Variants in COPB1 observed in about 807,000 individuals in gnomAD.
COPB1 encodes coatomer subunit beta.
COPB1 carries 21 observed loss-of-function variants against 108.7 expected under a neutral mutation model. That is an observed-to-expected ratio of 0.19 (90% CI 0.14 to 0.28). COPB1 has a LOEUF of 0.28. Ranked by LOEUF, COPB1 falls within the 10% of genes least tolerant of loss-of-function variation. The pLI is 1.00. For missense variants in COPB1, 919 were observed against 1,141.3 expected (o/e 0.81, Z 2.81); for synonymous variants, 378 against 386.8 (o/e 0.98, Z 0.27).
At chr11:14,498,780 T>C in intron 2 of COPB1, 58 bp downstream of exon 2, 1 of 1,376,930 alleles carries the variant, frequency 7.3e-7, no homozygotes, top group Non-Finnish European at 9.9e-7. Context: ...GAAATATGAG[T>C]TTTTTATTTT....
intron 8 of COPB1, 128 bp from the exon 9 acceptor site, chr11:14,481,225 T>C (rs2134114961): frequency 1.0e-5 from 7 of 675,378 alleles, no homozygotes; most frequent in East Asian, 2.7e-5. Flanking sequence ...AAACCACTAG[T>C]GGTGGAAGAA....
chr11:14,496,218 T>C (rs1435377673), intron 2 of COPB1, among the ~76,000 whole-genome samples: 1 of 152,194 alleles, frequency 6.6e-6, no homozygotes, highest in Non-Finnish European at 1.5e-5. Flanking sequence ...TTTTTAGCAG[T>C]TCAATTAAAC....
chr11:14,499,608 C>G (rs1232135564), intron 1 of COPB1, 99 bp downstream of exon 1: 5 of 150,956 alleles, frequency 3.3e-5, no homozygotes, highest in East Asian at 2.0e-4. Context: ...CGTACCCCCA[C>G]CCGGTCCCTT....
At chr11:14,487,232 T>G (rs1445556392) in intron 6 of COPB1, among the ~76,000 whole-genome samples, 1 of 152,212 alleles carries the variant, frequency 6.6e-6, no homozygotes, top group Non-Finnish European at 1.5e-5. Flanking sequence ...TAGATTTTCC[T>G]AAAATATATA....
chr11:14,494,969 A>C (rs990211313), intron 2 of COPB1, among the ~76,000 whole-genome samples: 3 of 152,242 alleles, frequency 2.0e-5, no homozygotes, highest in Non-Finnish European at 4.4e-5. Context: ...ATCTCATCAT[A>C]GTTCTGCAGG....
intron 1 of COPB1, 84 bp from the exon 2 acceptor site, chr11:14,499,069 T>A (rs1851091984): frequency 1.5e-6 from 1 of 651,146 alleles, no homozygotes; most frequent in African/African-American, 1.9e-5. Flanking sequence ...TTTTAAAGTA[T>A]TAGAAAGGGC....
rs550237560 is a variant in COPB1, at chr11:14,474,682, G to C, written c.1617-67C>G. 20 of 1,592,506 alleles carry C rather than the reference G, an allele frequency of 1.3e-5. No individual in the cohort carries two copies. The African/African-American group carries it at 2.4e-4, about 19-fold the overall frequency. ...AGCAGCATGCAGCTTCTGTATAAATGAATGATATAGGCCTATTAAACACTC... is the reference window on the plus strand; with the variant it reads ...AGCAGCATGCAGCTTCTGTATAAATCAATGATATAGGCCTATTAAACACTC... On this transcript the variant is annotated intron_variant, in intron 13 of 21. Coordinates refer to ENST00000439561, the MANE Select transcript of COPB1 (RefSeq NM_001144061.2).
chr11:14,493,421 GTTACTGTTATA>G (rs1850952745), intron 4 of COPB1, among the ~76,000 whole-genome samples: 1 of 152,190 alleles, frequency 6.6e-6, no homozygotes, highest in African/African-American at 2.4e-5. Context: ...TTTAAAGGGG[GTTACTGTTATA>G]CAAGTTCAGC....
chr11:14,493,901 A>G (rs1465364521), intron 3 of COPB1, 90 bp from the exon 4 acceptor site: 1 of 1,176,560 alleles, frequency 8.5e-7, no homozygotes, highest in Non-Finnish European at 1.2e-6. Flanking sequence ...GAAAAAAAAT[A>G]CGTTTGAGAA....
chr11:14,483,228 C>A (rs1467984013), intron 7 of COPB1, 77 bp from the exon 8 acceptor site: 1 of 502,832 alleles, frequency 2.0e-6, no homozygotes. Flanking sequence ...CGCGCGCACA[C>A]CACACACACA....
intron 18 of COPB1, among the ~76,000 whole-genome samples, chr11:14,462,475 AC>A (rs1176987773): frequency 6.6e-6 from 1 of 151,314 alleles, no homozygotes; most frequent in Non-Finnish European, 1.5e-5. Context: ...CTCATGATCC[AC>A]CCGCCTTGGC....
chr11:14,482,783 G>A (rs899774548), intron 8 of COPB1, among the ~76,000 whole-genome samples: 3 of 152,140 alleles, frequency 2.0e-5, no homozygotes, highest in Admixed American at 6.5e-5. Flanking sequence ...TGATGTGCCC[G>A]CCTCTGCCTC....
chr11:14,487,504 G>A (rs1309641381), intron 6 of COPB1, among the ~76,000 whole-genome samples: 9 of 151,852 alleles, frequency 5.9e-5, no homozygotes, highest in South Asian at 2.1e-4. Flanking sequence ...GTGAAACCCC[G>A]TCTCTACTAA....
At chr11:14,490,048 C>G (rs1589967267) in intron 5 of COPB1, among the ~76,000 whole-genome samples, 1 of 152,052 alleles carries the variant, frequency 6.6e-6, no homozygotes, top group Non-Finnish European at 1.5e-5. Flanking sequence ...TAGAAAATTT[C>G]AAGATTAGAT....
In COPB1 at chr11:14,483,006, A is replaced by T. The variant is rs778715598; in HGVS notation, c.957+26T>A. 20 of 1,512,810 alleles carry T rather than the reference A, an allele frequency of 1.3e-5. No homozygotes were observed. In the Admixed American group the frequency reaches 3.9e-4, roughly 29 times the overall value. The allele number at this position is 1,512,810 out of a possible 1,614,324, so 93.7% of individuals were successfully genotyped here. A position where few individuals can be genotyped will look rare whatever the true frequency, so the allele number is the denominator to read the frequency against. Reference sequence around the variant, plus strand: ...AAATTTGAAAAACATTTTATTTAGGATCTCTCTTTTTCAGATAACACTTAC... The same window carrying T: ...AAATTTGAAAAACATTTTATTTAGGTTCTCTCTTTTTCAGATAACACTTAC... On this transcript the variant is annotated intron_variant, in intron 8 of 21. Coordinates refer to ENST00000439561, the MANE Select transcript of COPB1 (RefSeq NM_001144061.2).
chr11:14,465,619 A>G (rs141885530), intron 17 of COPB1, among the ~76,000 whole-genome samples: 7 of 152,370 alleles, frequency 4.6e-5, no homozygotes, highest in African/African-American at 1.4e-4. Context: ...AACAATCTGC[A>G]TAAAGACTTG....
intron 12 of COPB1, among the ~76,000 whole-genome samples, chr11:14,476,318 T>G (rs2575836): frequency 0.66 from 100,891 of 152,014 alleles, 33,687 homozygotes; most frequent in African/African-American, 0.7. Context: ...TCCTTGAAAT[T>G]TTAACCAAAA....
At chr11:14,482,316 A>G (rs571485849) in intron 8 of COPB1, among the ~76,000 whole-genome samples, 1 of 152,128 alleles carries the variant, frequency 6.6e-6, no homozygotes, top group South Asian at 2.1e-4. Flanking sequence ...TTTACCTGCC[A>G]TGGGGTTTTA....
intron 8 of COPB1, among the ~76,000 whole-genome samples, chr11:14,481,811 T>C (rs759168594): frequency 6.6e-6 from 1 of 152,134 alleles, no homozygotes; most frequent in Non-Finnish European, 1.5e-5. Flanking sequence ...TTTTTTGAGA[T>C]GGAGTCTTGC....
Sources: allele counts gnomAD v4.1 joint callset (sites outside exome capture counted in the v4.1 genomes callset), GRCh38; gene constraint gnomAD v4.1.1; transcripts MANE v1.5; gene names NCBI Gene and HGNC (gene_info 2026-07-23, HGNC 2026-07-21).